Variants in ZNF618 observed in about 807,000 individuals in gnomAD.
The protein encoded by ZNF618 is neural precursor cell expressed, developmentally down-regulated 10.
ZNF618 carries 34 observed loss-of-function variants against 103.0 expected under a neutral mutation model. The ratio of observed to expected loss-of-function variants is 0.33; its 90% CI spans 0.25 to 0.44. ZNF618 has a LOEUF of 0.44. Ranked by LOEUF, ZNF618 falls within the 20% of genes least tolerant of loss-of-function variation. ZNF618 has a pLI of 1.00. For synonymous variants in ZNF618, 551 were observed against 542.2 expected (o/e 1.02, Z -0.23); for missense variants, 1,059 against 1,295.4 (o/e 0.82, Z 2.80).
chr9:113,876,371 G>T lies in ZNF618; in HGVS notation c.-10G>T. 1 of 1,194,438 alleles carries T rather than the reference G, an allele frequency of 8.4e-7. No homozygotes were observed. The highest frequency in any genetic ancestry group is 4.2e-5 in the South Asian group (1 of 24,062). 74.0% of individuals were successfully genotyped at this position (1,194,438 alleles called of 1,614,324 possible). On this transcript the variant is annotated 5_prime_UTR_variant, in exon 1 of 15. Transcript: ENST00000374126. The stretch of plus-strand genomic sequence containing the variant: ...GGACGCGCCGGGGCCGCCTCCTCCC[G>T]CACGGACCCATGAACCAGCCGGGCG...
chr9:113,984,600 T>C (rs1839283845), intron 2 of ZNF618, among the ~76,000 whole-genome samples: 1 of 152,154 alleles, frequency 6.6e-6, no homozygotes, highest in Non-Finnish European at 1.5e-5. Flanking sequence ...CACTGAATCT[T>C]TTCAGGTGGC....
chr9:114,036,501 A>T, intron 13 of ZNF618, 124 bp downstream of exon 13: 1 of 1,008,796 alleles, frequency 9.9e-7, no homozygotes, highest in Non-Finnish European at 1.5e-6. Flanking sequence ...GTCACAGGAC[A>T]TGGAACCTGC....
At chr9:114,028,321 C>A (rs1403184679) in intron 10 of ZNF618, 4 of 187,034 alleles carry the variant, frequency 2.1e-5, no homozygotes, top group Admixed American at 1.6e-4. Flanking sequence ...CACCCCCAGC[C>A]CCGGCATGTC....
intron 1 of ZNF618, among the ~76,000 whole-genome samples, chr9:113,888,272 AC>A (rs370209713): frequency 6.6e-6 from 1 of 152,304 alleles, no homozygotes; most frequent in East Asian, 1.9e-4. Context: ...AGACACGGCT[AC>A]CCATTTGTCT....
intron 1 of ZNF618, among the ~76,000 whole-genome samples, chr9:113,893,588 T>C (rs997014247): frequency 1.3e-5 from 2 of 152,146 alleles, no homozygotes; most frequent in African/African-American, 4.8e-5. Flanking sequence ...CCTTCCCCTA[T>C]CTTCTCTGTT....
intron 2 of ZNF618, among the ~76,000 whole-genome samples, chr9:113,984,972 T>C (rs184671783): frequency 6.6e-6 from 1 of 152,136 alleles, no homozygotes; most frequent in African/African-American, 2.4e-5. Context: ...CCACAGCCCA[T>C]GCGCTAAACA....
intron 1 of ZNF618, among the ~76,000 whole-genome samples, chr9:113,899,794 CA>C (rs1830356612): frequency 6.6e-6 from 1 of 152,196 alleles, no homozygotes; most frequent in African/African-American, 2.4e-5. Context: ...TGTGTTGTAG[CA>C]CATGGCAGGT....
chr9:114,033,941 T>C (rs1844342341), intron 12 of ZNF618, among the ~76,000 whole-genome samples: 1 of 152,188 alleles, frequency 6.6e-6, no homozygotes, highest in African/African-American at 2.4e-5. Flanking sequence ...TGGAGGCATC[T>C]GCCTAGTAAC....
At chr9:113,882,188 A>G (rs1217237844) in intron 1 of ZNF618, among the ~76,000 whole-genome samples, 3 of 152,206 alleles carry the variant, frequency 2.0e-5, no homozygotes, top group East Asian at 3.8e-4. Flanking sequence ...GGTCAGATGC[A>G]TAGAGATTTT....
Position 113,993,083 on chromosome 9 carries a change from T to A in ZNF618, c.337+4503T>A, listed in dbSNP as rs191254844. 6.5e-4 allele frequency among the ~76,000 whole-genome samples: 99 copies of A among 152,230 alleles called. 1 individual carries two copies. The highest frequency in any genetic ancestry group is 3.4e-3 in the Middle Eastern group (1 of 294). The stretch of plus-strand genomic sequence containing the variant: ...AAAAGCAGAAATGAAAGAAAGGAAG[T>A]TAACAGACGCCTGCACCCATCTGAC... On this transcript the variant is annotated intron_variant, in intron 3 of 14. Transcript: ENST00000374126.
intron 1 of ZNF618, among the ~76,000 whole-genome samples, chr9:113,954,474 C>T (rs966762301): frequency 1.3e-5 from 2 of 152,206 alleles, no homozygotes; most frequent in Non-Finnish European, 2.9e-5. Context: ...TCCCAGACTT[C>T]CAGAGTTCTT....
At chr9:114,027,625 G>A (rs1237375569) in intron 10 of ZNF618, among the ~76,000 whole-genome samples, 1 of 152,270 alleles carries the variant, frequency 6.6e-6, no homozygotes, top group Non-Finnish European at 1.5e-5. Context: ...AATGAGCAGA[G>A]GTGGCGGGCC....
At chr9:113,938,873 C>T (rs1225445534) in intron 1 of ZNF618, among the ~76,000 whole-genome samples, 1 of 152,102 alleles carries the variant, frequency 6.6e-6, no homozygotes, top group Admixed American at 6.6e-5. Flanking sequence ...TCCGTTCCGT[C>T]CCATTATATT....
intron 1 of ZNF618, among the ~76,000 whole-genome samples, chr9:113,926,431 A>G (rs1212365147): frequency 6.6e-6 from 1 of 151,374 alleles, no homozygotes. Context: ...AATTTTGGAA[A>G]ATTCTCAGCC....
At chr9:113,880,827 C>G (rs1828450562) in intron 1 of ZNF618, among the ~76,000 whole-genome samples, 1 of 152,210 alleles carries the variant, frequency 6.6e-6, no homozygotes, top group Non-Finnish European at 1.5e-5. Context: ...AGGTACTGGA[C>G]TAGCTGAACC....
Position 113,922,049 on chromosome 9 carries a change from A to G in ZNF618, c.33+45636A>G, listed in dbSNP as rs939611992. On this transcript the variant is annotated intron_variant, in intron 1 of 14. Transcript: ENST00000374126. Reference sequence around the variant, plus strand: ...TTGGATGTTGATTTTTGATGTATCGATACTTTGATGTATGTACTGAAAACA... The same window carrying G: ...TTGGATGTTGATTTTTGATGTATCGGTACTTTGATGTATGTACTGAAAACA... Among the ~76,000 whole-genome samples the G allele has an allele frequency of 2.0e-5, 3 of 152,206 alleles. No homozygotes were observed. The East Asian group carries it at 5.8e-4, about 29-fold the overall frequency.
In ZNF618 at chr9:113,988,799, C is replaced by T. The variant is rs1195166662; in HGVS notation, c.337+219C>T. Among the ~76,000 whole-genome samples, 13 of 152,208 alleles carry T rather than the reference C, an allele frequency of 8.5e-5. No individual in the cohort carries two copies. In the East Asian group the frequency reaches 2.5e-3, roughly 29 times the overall value. ...CTTCTGTTTCTGCTGGGCAGCAGAACCCTATCCATCCATCAATACCCTGTT... is the reference window on the plus strand; with the variant it reads ...CTTCTGTTTCTGCTGGGCAGCAGAATCCTATCCATCCATCAATACCCTGTT... On this transcript the variant is annotated intron_variant, in intron 3 of 14. Coordinates refer to ENST00000374126, the MANE Select transcript of ZNF618 (RefSeq NM_001318042.2).
At chr9:114,010,974 C>G (rs1214710324) in intron 9 of ZNF618, among the ~76,000 whole-genome samples, 1 of 152,206 alleles carries the variant, frequency 6.6e-6, no homozygotes, top group Non-Finnish European at 1.5e-5. Context: ...ACAAGCACAT[C>G]TCTGAATTTT....
Position 114,048,637 on chromosome 9 carries a change from G to GTGTC in ZNF618, c.1349-13_1349-10dup. Reference sequence around the variant, plus strand: ...GCCAGAATTAATCCCATCTGTCTTTGTGTCCTCTGCCAGCCACTACCAGTG... The same window carrying GTGTC: ...GCCAGAATTAATCCCATCTGTCTTTGTGTCTGTCCTCTGCCAGCCACTACCAGTG... On this transcript the variant is annotated splice_polypyrimidine_tract_variant and intron_variant, in intron 14 of 14. Transcript: ENST00000374126. 1 of 1,600,108 alleles carries GTGTC rather than the reference G, an allele frequency of 6.2e-7. No individual in the cohort carries two copies. Among genetic ancestry groups the GTGTC allele is most frequent in the Non-Finnish European group, 8.5e-7 (1 of 1,171,094 alleles).
Sources: allele counts gnomAD v4.1 joint callset (sites outside exome capture counted in the v4.1 genomes callset), GRCh38; gene constraint gnomAD v4.1.1; transcripts MANE v1.5; gene names NCBI Gene and HGNC (gene_info 2026-07-23, HGNC 2026-07-21).